The following GATAD2A variants were observed in gnomAD, a reference collection of about 807,000 sequenced individuals.
GATAD2A encodes GATA zinc finger domain containing 2A.
A neutral mutation model predicts 68.5 loss-of-function variants in GATAD2A; 12 were observed. That is an observed-to-expected ratio of 0.18 (90% CI 0.11 to 0.28). GATAD2A has a LOEUF of 0.28. GATAD2A is among the 10% of genes least tolerant of loss of function. GATAD2A has a pLI of 1.00. For missense variants in GATAD2A, 755 were observed against 868.5 expected, an observed-to-expected ratio of 0.87 and a Z score of 1.64; for synonymous variants, 410 against 375.3, an observed-to-expected ratio of 1.09 and a Z score of -1.07.
At chr19:19,458,759 A>C (rs1179029035) in intron 1 of GATAD2A, 3 of 152,156 alleles carry the variant, frequency 2.0e-5, no homozygotes, top group Admixed American at 6.5e-5. Context: ...TAGATGATTT[A>C]AGCTGCGTGG....
intron 1 of GATAD2A, among the ~76,000 whole-genome samples, chr19:19,447,687 T>C (rs1019347775): frequency 3.3e-5 from 5 of 152,240 alleles, no homozygotes; most frequent in African/African-American, 1.2e-4. Flanking sequence ...GTTTCCCTGC[T>C]GGCTGTGATC....
rs140907754 is a variant in GATAD2A, at chr19:19,388,459, A to G, written c.-7+2321A>G. Among the ~76,000 whole-genome samples the G allele has an allele frequency of 4.8e-3, 728 of 152,194 alleles. 6 individuals carry two copies. Among genetic ancestry groups the G allele is most frequent in the South Asian group, 0.041 (197 of 4,818 alleles). On this transcript the variant is annotated intron_variant, in intron 1 of 11. Coordinates refer to the GATAD2A transcript ENST00000360315. Reference sequence around the variant, plus strand: ...CAGTCTTTGTTGCCACTCTAGGGGTATTCTCTGGACTTTTATTTCGGTTTC... The same window carrying G: ...CAGTCTTTGTTGCCACTCTAGGGGTGTTCTCTGGACTTTTATTTCGGTTTC...
intron 1 of GATAD2A, among the ~76,000 whole-genome samples, chr19:19,386,498 T>G (rs1289242020): frequency 6.6e-6 from 1 of 150,682 alleles, no homozygotes; most frequent in Non-Finnish European, 1.5e-5. Context: ...TAGGGGACTT[T>G]CTTCCCATCT....
At chr19:19,418,030 C>T (rs184931709) in intron 1 of GATAD2A, among the ~76,000 whole-genome samples, 9 of 152,256 alleles carry the variant, frequency 5.9e-5, no homozygotes, top group Admixed American at 3.3e-4. Context: ...CGGGCAGGAG[C>T]GGTGTCGTAG....
At chr19:19,475,971 CG>C (rs2058653502) in intron 2 of GATAD2A, among the ~76,000 whole-genome samples, 1 of 152,192 alleles carries the variant, frequency 6.6e-6, no homozygotes, top group Admixed American at 6.5e-5. Flanking sequence ...TGAGCCGGCC[CG>C]GTGCCAGGTA....
Position 19,506,401 on chromosome 19 carries a change from A to T in GATAD2A, c.*927A>T, listed in dbSNP as rs1478573539. ...TTTCTGTTGTGGTTTATTTTATTAA[A>T]TTTTTTCCTTTTTTCTATTCATTTC... is the stretch of plus-strand genomic sequence containing the variant. On this transcript the variant is annotated 3_prime_UTR_variant, in exon 12 of 12. Transcript: ENST00000683918. 2.7e-5 allele frequency: 10 copies of T among 376,396 alleles called. No homozygotes were observed. Among genetic ancestry groups the T allele is most frequent in the Middle Eastern group, 6.5e-4 (1 of 1,532 alleles). 23.3% of individuals were successfully genotyped at this position (376,396 alleles called of 1,614,324 possible).
chr19:19,430,976 GGTGTGTGTGTGTGTGT>G (rs71170687), intron 1 of GATAD2A, among the ~76,000 whole-genome samples: 20 of 136,778 alleles, frequency 1.5e-4, no homozygotes, highest in African/African-American at 3.1e-4. Context: ...GTATGGTAGG[GGTGTGTGTGTGTGTGT>G]GTGTGTGTGT....
chr19:19,422,145 T>G (rs1195367165), intron 1 of GATAD2A, among the ~76,000 whole-genome samples: 4 of 152,192 alleles, frequency 2.6e-5, no homozygotes, highest in African/African-American at 9.7e-5. Context: ...TTTTAGGCAG[T>G]GATTCTAGTG....
At chr19:19,389,161 A>G (rs554222994) in intron 1 of GATAD2A, among the ~76,000 whole-genome samples, 1 of 152,182 alleles carries the variant, frequency 6.6e-6, no homozygotes, top group East Asian at 1.9e-4. Context: ...GTGGAGCCCA[A>G]GTAGATGAAT....
intron 2 of GATAD2A, among the ~76,000 whole-genome samples, chr19:19,479,636 G>GA (rs1285637080): frequency 2.6e-5 from 4 of 152,176 alleles, no homozygotes; most frequent in African/African-American, 9.7e-5. Context: ...GGATTTGGGG[G>GA]AGGAAGACCA....
intron 1 of GATAD2A, among the ~76,000 whole-genome samples, chr19:19,399,641 C>T (rs937226268): frequency 6.6e-6 from 1 of 152,040 alleles, no homozygotes; most frequent in Admixed American, 6.6e-5. Context: ...GACCTGATTA[C>T]GTGGGCATGT....
At chr19:19,505,173 G>T (rs1049023483) in intron 11 of GATAD2A, among the ~76,000 whole-genome samples, 171 bp from the exon 12 acceptor site, 1 of 107,966 alleles carries the variant, frequency 9.3e-6, no homozygotes, top group Non-Finnish European at 2.1e-5. Flanking sequence ...CTTCAGCTCT[G>T]GGGGGGCCTG....
At chr19:19,497,221 A>C (rs965105193) in intron 7 of GATAD2A, among the ~76,000 whole-genome samples, 8 of 152,154 alleles carry the variant, frequency 5.3e-5, no homozygotes, top group African/African-American at 1.9e-4. Context: ...TCAGCCTCCC[A>C]AGTAGCTGGG....
intron 1 of GATAD2A, among the ~76,000 whole-genome samples, chr19:19,454,075 G>A (rs978041896): frequency 2.0e-5 from 3 of 151,328 alleles, no homozygotes; most frequent in Non-Finnish European, 4.4e-5. Flanking sequence ...TTGGCTCACC[G>A]CAACCTCTAC....
intron 1 of GATAD2A, among the ~76,000 whole-genome samples, chr19:19,394,727 AG>A (rs1278505833): frequency 2.0e-5 from 3 of 152,284 alleles, no homozygotes. Flanking sequence ...TACAGGCGTG[AG>A]CCACCACTCC....
At chr19:19,444,356 G>C (rs1259640195) in intron 1 of GATAD2A, among the ~76,000 whole-genome samples, 2 of 152,126 alleles carry the variant, frequency 1.3e-5, no homozygotes, top group Non-Finnish European at 2.9e-5. Flanking sequence ...AACAGTGTGT[G>C]AGGGACTTCA....
At position 19,465,539 on chromosome 19, in the gene GATAD2A, AGGCCACGGCCAT is replaced by A. The variant is rs775103970; in HGVS notation, c.200_211del (p.Thr67_Ala70del). Reference sequence around the variant, plus strand: ...ACCCAAGGATTGCTGAGGGCAACAGAGGCCACGGCCATGGCCATGGGCAGAGGCGAAGGGCTG... The same window carrying A: ...ACCCAAGGATTGCTGAGGGCAACAGAGGCCATGGGCAGAGGCGAAGGGCTG... On this transcript the variant is annotated inframe_deletion, in exon 2 of 12. Coordinates refer to ENST00000683918, the MANE Select transcript of GATAD2A (RefSeq NM_001384528.1). 8 of 1,613,768 alleles carry A rather than the reference AGGCCACGGCCAT, an allele frequency of 5.0e-6. No individual in the cohort carries two copies. The South Asian group carries it at 6.6e-5, about 13-fold the overall frequency.
At chr19:19,433,945 A>C (rs964682304) in intron 1 of GATAD2A, among the ~76,000 whole-genome samples, 1 of 152,060 alleles carries the variant, frequency 6.6e-6, no homozygotes, top group African/African-American at 2.4e-5. Context: ...ATTTTCAAAA[A>C]TTTTTTTTGT....
At chr19:19,432,126 C>G (rs1014342684) in intron 1 of GATAD2A, among the ~76,000 whole-genome samples, 5 of 152,014 alleles carry the variant, frequency 3.3e-5, no homozygotes, top group African/African-American at 9.7e-5. Context: ...CAAGCATGTG[C>G]CACCACGGTT....
Sources: allele counts gnomAD v4.1 joint callset (sites outside exome capture counted in the v4.1 genomes callset), GRCh38; gene constraint gnomAD v4.1.1; transcripts MANE v1.5; gene names NCBI Gene and HGNC (gene_info 2026-07-23, HGNC 2026-07-21).